The following RBMS3 variants were observed in gnomAD, a reference collection of about 807,000 sequenced individuals.
RBMS3 encodes RNA-binding motif, single-stranded-interacting protein 3.
Under a neutral mutation model 66.8 loss-of-function variants are expected in RBMS3, and 27 were observed. The observed-to-expected ratio is 0.40, with a 90% confidence interval of 0.30 to 0.56. RBMS3 has a LOEUF of 0.56. Among genes scored for constraint, RBMS3 ranks in the 20% least tolerant of loss-of-function variants. The pLI is 0.40. For missense variants in RBMS3, 513 were observed against 549.5 expected, an observed-to-expected ratio of 0.93 and a Z score of 0.66; for synonymous variants, 188 against 183.0, an observed-to-expected ratio of 1.03 and a Z score of -0.22.
At chr3:29,972,007 G>A (rs1697261209) in intron 12 of RBMS3, among the ~76,000 whole-genome samples, 1 of 152,110 alleles carries the variant, frequency 6.6e-6, no homozygotes, top group African/African-American at 2.4e-5. Flanking sequence ...GATGATGTAG[G>A]TCACAATGAT....
intron 4 of RBMS3, among the ~76,000 whole-genome samples, chr3:29,687,711 A>T (rs991168338): frequency 1.4e-4 from 22 of 152,204 alleles, no homozygotes; most frequent in Non-Finnish European, 2.9e-4. Flanking sequence ...TGAAGAAAAA[A>T]TTTGGACCCT....
chr3:29,465,701 A>T (rs199529256), intron 2 of RBMS3, among the ~76,000 whole-genome samples: 1 of 152,198 alleles, frequency 6.6e-6, no homozygotes, highest in Admixed American at 6.5e-5. Context: ...TCAAAGACAG[A>T]AATCACTGCT....
chr3:29,615,385 A>G (rs2048631910), intron 4 of RBMS3, among the ~76,000 whole-genome samples: 2 of 152,224 alleles, frequency 1.3e-5, no homozygotes, highest in South Asian at 4.1e-4. Flanking sequence ...TCATATTAAT[A>G]GGATGTTAAT....
intron 5 of RBMS3, among the ~76,000 whole-genome samples, chr3:29,759,857 C>T (rs2055588830): frequency 1.3e-5 from 2 of 151,952 alleles, no homozygotes; most frequent in South Asian, 2.1e-4. Flanking sequence ...AAATGTGCCC[C>T]GTGTATTAAA....
chr3:29,796,983 A>AT (rs775513877), intron 6 of RBMS3, among the ~76,000 whole-genome samples: 3 of 151,864 alleles, frequency 2.0e-5, no homozygotes, highest in Non-Finnish European at 2.9e-5. Context: ...AAGTGCTGGG[A>AT]TTACAGGCGT....
intron 6 of RBMS3, among the ~76,000 whole-genome samples, chr3:29,777,524 A>T (rs2056469227): frequency 6.6e-6 from 1 of 151,980 alleles, no homozygotes; most frequent in Non-Finnish European, 1.5e-5. Context: ...ATAGAAATAT[A>T]TGACATAATA....
At chr3:29,444,572 A>T (rs2041746803) in intron 2 of RBMS3, among the ~76,000 whole-genome samples, 1 of 152,018 alleles carries the variant, frequency 6.6e-6, no homozygotes, top group Admixed American at 6.6e-5. Context: ...AGCTGAAAGA[A>T]GAAAGTATTT....
chr3:29,589,068 G>A (rs550069368), intron 4 of RBMS3, among the ~76,000 whole-genome samples: 1 of 152,216 alleles, frequency 6.6e-6, no homozygotes, highest in South Asian at 2.1e-4. Context: ...CTCAGAATAT[G>A]TATAGTTAGT....
chr3:29,965,714 C>T (rs967291862), intron 12 of RBMS3, among the ~76,000 whole-genome samples: 3 of 152,102 alleles, frequency 2.0e-5, no homozygotes, highest in African/African-American at 7.2e-5. Flanking sequence ...TTTTTCTGTA[C>T]AAAAGCATCT....
chr3:29,627,133 G>A (rs1037778649), intron 4 of RBMS3, among the ~76,000 whole-genome samples: 1 of 152,042 alleles, frequency 6.6e-6, no homozygotes, highest in African/African-American at 2.4e-5. Context: ...TAGCTCTCAG[G>A]AACTATCCAA....
intron 6 of RBMS3, among the ~76,000 whole-genome samples, chr3:29,851,580 A>G (rs1186511780): frequency 6.6e-6 from 1 of 152,230 alleles, no homozygotes; most frequent in Non-Finnish European, 1.5e-5. Flanking sequence ...AACATGAAGG[A>G]AGCTTCATTT....
At chr3:29,673,035 A>T (rs2051075897) in intron 4 of RBMS3, among the ~76,000 whole-genome samples, 2 of 152,194 alleles carry the variant, frequency 1.3e-5, no homozygotes, top group Admixed American at 1.3e-4. Flanking sequence ...AAAGAACAGA[A>T]ATTATAACAA....
chr3:29,630,725 T>C (rs927975033), intron 4 of RBMS3, among the ~76,000 whole-genome samples: 1 of 152,032 alleles, frequency 6.6e-6, no homozygotes, highest in African/African-American at 2.4e-5. Context: ...TGGAAATCTA[T>C]ATTTATAATT....
intron 1 of RBMS3, among the ~76,000 whole-genome samples, chr3:29,357,875 C>T (rs1270652959): frequency 2.0e-5 from 3 of 152,100 alleles, no homozygotes; most frequent in Non-Finnish European, 4.4e-5. Context: ...TCATATCCTT[C>T]ACCCACTTTT....
chr3:29,638,168 T>A (rs1179808159), intron 4 of RBMS3, among the ~76,000 whole-genome samples: 4 of 151,508 alleles, frequency 2.6e-5, no homozygotes, highest in Non-Finnish European at 2.9e-5. Flanking sequence ...TAAGAAGACA[T>A]CAGAGCCCAA....
chr3:29,586,519 A>T (rs2149092537), intron 3 of RBMS3, among the ~76,000 whole-genome samples: 1 of 152,272 alleles, frequency 6.6e-6, no homozygotes, highest in African/African-American at 2.4e-5. Flanking sequence ...ATAATTTAAG[A>T]TGCTATCATT....
chr3:29,382,824 C>T (rs531003737), intron 1 of RBMS3, among the ~76,000 whole-genome samples: 39 of 143,704 alleles, frequency 2.7e-4, no homozygotes, highest in African/African-American at 9.0e-4. Flanking sequence ...ATGAGACATC[C>T]TGGATTTGTT....
intron 1 of RBMS3, among the ~76,000 whole-genome samples, chr3:29,417,439 A>G (rs771492777): frequency 2.6e-5 from 4 of 151,952 alleles, no homozygotes; most frequent in Non-Finnish European, 4.4e-5. Context: ...TTCAACTTTT[A>G]TGGTGTTCTC....
intron 3 of RBMS3, among the ~76,000 whole-genome samples, chr3:29,542,361 A>AT (rs11451149): frequency 0.27 from 41,114 of 151,118 alleles, 8,061 homozygotes; most frequent in African/African-American, 0.55. Flanking sequence ...ATCATCTCCA[A>AT]TTTTTTTTTG....
Sources: gnomAD v4.1 joint callset for allele counts (sites outside exome capture counted in the v4.1 genomes callset) on GRCh38, gnomAD v4.1.1 for gene constraint, MANE v1.5 for transcripts, NCBI Gene and HGNC (gene_info 2026-07-23, HGNC 2026-07-21) for gene names.